Variants in SEC14L5 observed in about 807,000 individuals in gnomAD.
SEC14L5 encodes SEC14-like protein 5.
Under a neutral mutation model 84.6 loss-of-function variants are expected in SEC14L5, and 96 were observed. The ratio of observed to expected loss-of-function variants is 1.13; its 90% confidence interval spans 0.96 to 1.34. SEC14L5 has a LOEUF of 1.34. SEC14L5 is among the 40% of genes most tolerant of loss of function. The pLI, the probability that SEC14L5 is intolerant of heterozygous loss-of-function variation, is 0.00. For synonymous variants in SEC14L5, 546 were observed against 383.4 expected, an observed-to-expected ratio of 1.42 and a Z score of -4.95; for missense variants, 1,224 against 942.5, an observed-to-expected ratio of 1.30 and a Z score of -3.91.
At chr16:4,972,542 A>G (rs1045792898) in intron 2 of SEC14L5, among the ~76,000 whole-genome samples, 6 of 152,172 alleles carry the variant, frequency 3.9e-5, no homozygotes, top group African/African-American at 1.4e-4. Context: ...TGTCTCTGCA[A>G]ATTTGACCAT....
chr16:5,014,367 A>G (rs1955845577), intron 15 of SEC14L5, among the ~76,000 whole-genome samples: 1 of 152,184 alleles, frequency 6.6e-6, no homozygotes, highest in Non-Finnish European at 1.5e-5. Context: ...TGGGCAGCAT[A>G]GTGAGAGCCC....
At chr16:4,992,470 T>G (rs1955563171) in intron 6 of SEC14L5, among the ~76,000 whole-genome samples, 1 of 152,204 alleles carries the variant, frequency 6.6e-6, no homozygotes, top group Admixed American at 6.5e-5. Flanking sequence ...CAGGCTGGTC[T>G]CAAACTCCTG....
chr16:5,000,935 TG>T lies in SEC14L5; in HGVS notation c.1130+13del, dbSNP rs781305541. ...TGGGCCGTCCCATCAGGCAAACACCTGGGCTGGGCACAAATCCCCCCTAAAC... is the reference window on the plus strand; with the variant it reads ...TGGGCCGTCCCATCAGGCAAACACCTGGCTGGGCACAAATCCCCCCTAAAC... On this transcript the variant is annotated intron_variant, in intron 10 of 15. Coordinates refer to ENST00000251170, the MANE Select transcript of SEC14L5 (RefSeq NM_014692.2). 1.3e-6 allele frequency: 2 copies of T among 1,597,680 alleles called. No homozygotes were observed. The highest frequency in any genetic ancestry group is 1.3e-5 in the African/African-American group (1 of 74,756).
At chr16:4,987,201 C>CT (rs34934353) in intron 2 of SEC14L5, among the ~76,000 whole-genome samples, 83,572 of 143,510 alleles carry the variant, frequency 0.58, 24,579 homozygotes, top group East Asian at 0.71. Flanking sequence ...TTTATTGAAT[C>CT]TTTTTTTTTT....
rs576878995 is a variant in SEC14L5, at chr16:4,984,703, TTA to T, written c.64-2852_64-2851del. 2.0e-3 allele frequency among the ~76,000 whole-genome samples: 303 copies of T among 152,354 alleles called. 2 individuals carry two copies. The highest frequency in any genetic ancestry group is 6.7e-3 in the African/African-American group (277 of 41,580). On this transcript the variant is annotated intron_variant, in intron 2 of 15. Transcript: ENST00000251170. ...ACATCCTCACCAGCACTAGCTATTA[TTA>T]TGTCTTTTAAAAGTTATTATAGTCA...
intron 2 of SEC14L5, among the ~76,000 whole-genome samples, chr16:4,961,485 T>C (rs10852645): frequency 0.57 from 87,048 of 151,844 alleles, 25,830 homozygotes; most frequent in East Asian, 0.79. Flanking sequence ...CACACCACCA[T>C]GCCCAGGTAA....
chr16:5,014,025 G>C (rs961746430), intron 15 of SEC14L5, among the ~76,000 whole-genome samples: 1 of 152,252 alleles, frequency 6.6e-6, no homozygotes, highest in African/African-American at 2.4e-5. Context: ...TCCGGGCACT[G>C]CTGGTGCTGC....
intron 13 of SEC14L5, among the ~76,000 whole-genome samples, 164 bp from the exon 14 acceptor site, chr16:5,008,257 T>G (rs1399096662): frequency 2.0e-5 from 3 of 151,772 alleles, no homozygotes; most frequent in African/African-American, 7.3e-5. Context: ...GCAGGCGAGG[T>G]CTCAGGAGAA....
Position 4,992,008 on chromosome 16 carries a change from T to C in SEC14L5, c.645T>C (p.Ala215=). 6.3e-7 allele frequency: 1 copy of C among 1,576,086 alleles called. No individual in the cohort carries two copies. The highest frequency in any genetic ancestry group is 8.6e-7 in the Non-Finnish European group (1 of 1,167,498). The change falls in exon 6 of 16, where the codon GCT becomes GCC. Residue 215 remains alanine (A), a synonymous_variant. Coordinates refer to ENST00000251170, the MANE Select transcript of SEC14L5 (RefSeq NM_014692.2). ...GGCCCCGTAGCACCCTGGGGCCCGC[T>C]CTGGAGGCGGTCAGTATGGACGGTA... ...AHGPRSTLGP[A]LEAVSMDGDK... is the part of the protein sequence containing the mutation.
At position 4,977,926 on chromosome 16, in the gene SEC14L5, G is replaced by C. The variant is rs767410656; in HGVS notation, c.64-9631G>C. ...AGCAATTCTCATGCCTCAGCCTCCC[G>C]AGTAGCTGGGATTACAGGTGCGCAC... On this transcript the variant is annotated intron_variant, in intron 2 of 15. Coordinates refer to ENST00000251170, the MANE Select transcript of SEC14L5 (RefSeq NM_014692.2). 2.3e-4 allele frequency among the ~76,000 whole-genome samples: 34 copies of C among 150,552 alleles called. 1 individual carries two copies. The highest frequency in any genetic ancestry group is 8.0e-4 in the African/African-American group (33 of 41,006).
intron 13 of SEC14L5, 120 bp downstream of exon 13, chr16:5,007,606 CTTTTTTT>C (rs377374416): frequency 2.0e-5 from 11 of 562,882 alleles, no homozygotes; most frequent in South Asian, 4.5e-5. Flanking sequence ...TTCTTTCTTT[CTTTTTTT>C]TTTTTTTTTT....
intron 10 of SEC14L5, among the ~76,000 whole-genome samples, chr16:5,001,505 T>C (rs1419735841): frequency 1.3e-5 from 2 of 152,152 alleles, no homozygotes; most frequent in Admixed American, 6.5e-5. Flanking sequence ...GTGATCCGCC[T>C]GCCTCGGCCT....
chr16:4,977,031 G>A (rs1955349561), intron 2 of SEC14L5, among the ~76,000 whole-genome samples: 1 of 152,334 alleles, frequency 6.6e-6, no homozygotes, highest in Non-Finnish European at 1.5e-5. Context: ...CAGGGGCTGG[G>A]CCCTGTTTGG....
chr16:4,999,395 A>G (rs1955651101), intron 8 of SEC14L5, among the ~76,000 whole-genome samples: 1 of 152,208 alleles, frequency 6.6e-6, no homozygotes, highest in East Asian at 1.9e-4. Flanking sequence ...GCTTAAGCCC[A>G]GGAGTTCGAG....
intron 2 of SEC14L5, among the ~76,000 whole-genome samples, chr16:4,964,645 ATTC>A (rs921734195): frequency 8.6e-5 from 13 of 151,638 alleles, no homozygotes; most frequent in African/African-American, 2.2e-4. Context: ...ACATTCCCCA[ATTC>A]TTCTTCTTCA....
At chr16:4,970,728 A>G (rs1426546689) in intron 2 of SEC14L5, among the ~76,000 whole-genome samples, 1 of 152,156 alleles carries the variant, frequency 6.6e-6, no homozygotes, top group Non-Finnish European at 1.5e-5. Context: ...CGGAGAGGCC[A>G]GTCATTCTGA....
At chr16:4,959,058 C>G (rs1955087314) in intron 1 of SEC14L5, among the ~76,000 whole-genome samples, 1 of 151,714 alleles carries the variant, frequency 6.6e-6, no homozygotes, top group East Asian at 1.9e-4. Context: ...GTGCTGACTG[C>G]TCTTGGAAGG....
At chr16:5,010,826 C>T (rs1596646541) in intron 14 of SEC14L5, 1 of 464,398 alleles carries the variant, frequency 2.2e-6, no homozygotes, top group East Asian at 3.2e-5. Flanking sequence ...GTTTAAGCAC[C>T]TCTGTTGTCC....
intron 7 of SEC14L5, 67 bp from the exon 8 acceptor site, chr16:4,996,788 T>G: frequency 7.8e-7 from 1 of 1,284,718 alleles, no homozygotes; most frequent in Non-Finnish European, 1.1e-6. Context: ...CCCCGGCTGG[T>G]TCTGTAATTT....
Sources: gnomAD v4.1 joint callset for allele counts (sites outside exome capture counted in the v4.1 genomes callset) on GRCh38, gnomAD v4.1.1 for gene constraint, MANE v1.5 for transcripts, NCBI Gene and HGNC (gene_info 2026-07-23, HGNC 2026-07-21) for gene names.